CDH18: variants seen among roughly 807,000 people sequenced by gnomAD.
CDH18 encodes cadherin 18.
In CDH18, 31 loss-of-function variants were observed where a neutral mutation model predicts 67.9. That is an observed-to-expected ratio of 0.46 (90% CI 0.34 to 0.62). The LOEUF is 0.62. Among genes scored for constraint, CDH18 ranks in the 20% least tolerant of loss-of-function variants. The probability of loss-of-function intolerance (pLI) is 0.01; values close to 1 mark genes in which losing one functional copy is unlikely to be tolerated. For synonymous variants in CDH18, 362 were observed against 347.2 expected, an observed-to-expected ratio of 1.04 and a Z score of -0.48; for missense variants, 890 against 975.5, an observed-to-expected ratio of 0.91 and a Z score of 1.17.
intron 1 of CDH18, among the ~76,000 whole-genome samples, chr5:20,270,416 TC>T (rs1745350644): frequency 1.3e-5 from 2 of 152,004 alleles, no homozygotes; most frequent in Admixed American, 1.3e-4. Context: ...GTAATGCAAA[TC>T]AAAACCATAA....
chr5:19,898,373 C>T (rs1455387022), intron 2 of CDH18, among the ~76,000 whole-genome samples: 2 of 151,678 alleles, frequency 1.3e-5, no homozygotes, highest in East Asian at 3.9e-4. Context: ...TTTTAATATA[C>T]CATGTCTTCT....
chr5:19,759,126 T>C (rs1407300135), intron 3 of CDH18, among the ~76,000 whole-genome samples: 1 of 152,198 alleles, frequency 6.6e-6, no homozygotes, highest in Admixed American at 6.5e-5. Flanking sequence ...GGAAATGTTT[T>C]AATTTGCTCA....
intron 12 of CDH18, among the ~76,000 whole-genome samples, chr5:19,479,194 G>C (rs549911555): frequency 6.6e-6 from 1 of 152,168 alleles, no homozygotes; most frequent in African/African-American, 2.4e-5. Flanking sequence ...AGATCACACA[G>C]TTATTGGCAA....
chr5:20,394,694 C>T (rs868545072), intron 1 of CDH18, among the ~76,000 whole-genome samples: 10 of 151,958 alleles, frequency 6.6e-5, no homozygotes, highest in Non-Finnish European at 1.3e-4. Flanking sequence ...TCAGCAAAGA[C>T]CTCACATCCA....
At chr5:20,531,062 T>C (rs569595915) in intron 1 of CDH18, among the ~76,000 whole-genome samples, 1 of 151,976 alleles carries the variant, frequency 6.6e-6, no homozygotes, top group Admixed American at 6.6e-5. Flanking sequence ...AACAACCCCA[T>C]TAAAAAGTGG....
rs368885997 is a variant in CDH18 at position 19,753,011 on chromosome 5, T to A, written c.229-5775A>T. Reference sequence around the variant, plus strand: ...CACTATGTGAAGGAAACACCCCATGTGAAAAAAGAATCTAACCACAGCCTT... The same window carrying A: ...CACTATGTGAAGGAAACACCCCATGAGAAAAAAGAATCTAACCACAGCCTT... On this transcript the variant is annotated intron_variant, in intron 3 of 12. Coordinates refer to ENST00000382275, the MANE Select transcript of CDH18 (RefSeq NM_004934.5). Among the ~76,000 whole-genome samples, 5 of 152,178 alleles carry A rather than the reference T, an allele frequency of 3.3e-5. No homozygotes were observed. The East Asian group carries it at 5.8e-4, about 18-fold the overall frequency.
chr5:19,856,134 G>A (rs1784256094), intron 2 of CDH18, among the ~76,000 whole-genome samples: 1 of 152,186 alleles, frequency 6.6e-6, no homozygotes. Flanking sequence ...CAGCGTGCAT[G>A]CTTTGGAACT....
intron 1 of CDH18, among the ~76,000 whole-genome samples, chr5:20,320,671 A>C (rs536550163): frequency 3.9e-4 from 60 of 152,130 alleles, no homozygotes; most frequent in Non-Finnish European, 5.0e-4. Context: ...CCTTCTGAGA[A>C]GTTTGCTGTA....
chr5:20,419,466 T>G (rs1747656243), intron 1 of CDH18, among the ~76,000 whole-genome samples: 1 of 45,120 alleles, frequency 2.2e-5, no homozygotes, highest in Non-Finnish European at 3.3e-5. Context: ...GACTCTGTTT[T>G]TTTTTTTTTT....
chr5:20,270,779 T>C (rs1245945032), intron 1 of CDH18, among the ~76,000 whole-genome samples: 1 of 150,928 alleles, frequency 6.6e-6, no homozygotes, highest in Non-Finnish European at 1.5e-5. Context: ...GTGCTATATA[T>C]AGGACATGGA....
At chr5:19,915,688 ATTGT>A (rs1472805982) in intron 2 of CDH18, among the ~76,000 whole-genome samples, 14 of 152,182 alleles carry the variant, frequency 9.2e-5, no homozygotes, top group African/African-American at 2.2e-4. Context: ...CATATATATC[ATTGT>A]TTGTTTACAA....
At chr5:20,049,745 C>T (rs1390999873) in intron 2 of CDH18, among the ~76,000 whole-genome samples, 1 of 151,312 alleles carries the variant, frequency 6.6e-6, no homozygotes, top group African/African-American at 2.4e-5. Flanking sequence ...AATATGGCGA[C>T]CAGAAAGGAT....
At chr5:20,127,497 C>A (rs1748931305) in intron 2 of CDH18, among the ~76,000 whole-genome samples, 1 of 151,984 alleles carries the variant, frequency 6.6e-6, no homozygotes, top group South Asian at 2.1e-4. Context: ...ACAATGAAAT[C>A]TCATTCAGTC....
rs539875769 is a variant in CDH18, at chr5:19,971,845, C to T, written c.-257+9215G>A. On this transcript the variant is annotated intron_variant, in intron 2 of 12. Transcript: ENST00000382275. ...CGTAACTTGTGCCTCTAAACTTAAA[C>T]GTTAAAAAAAAAAAGAGAGAGAGAG... Among the ~76,000 whole-genome samples, 8 of 122,698 alleles carry T rather than the reference C, an allele frequency of 6.5e-5. No individual in the cohort carries two copies. In the South Asian group the frequency reaches 2.2e-3, roughly 33 times the overall value. The allele number at this position is 122,698 out of a possible 152,430, so 80.5% of individuals were successfully genotyped here.
intron 1 of CDH18, among the ~76,000 whole-genome samples, chr5:20,497,859 T>C (rs1754005240): frequency 6.6e-6 from 1 of 152,128 alleles, no homozygotes. Context: ...TGAAACCTAA[T>C]CACCAGTCTG....
At chr5:19,550,865 T>C (rs1322025325) in intron 8 of CDH18, among the ~76,000 whole-genome samples, 1 of 152,160 alleles carries the variant, frequency 6.6e-6, no homozygotes, top group Non-Finnish European at 1.5e-5. Context: ...GTTGAACTAG[T>C]TTACATTCCC....
Position 20,242,620 on chromosome 5 carries a change from A to ATACATATATATATATATACATG in CDH18, c.-518+12823_-518+12824insCATGTATATATATATATATGTA, listed in dbSNP as rs1554106665. Among the ~76,000 whole-genome samples the ATACATATATATATATATACATG allele has an allele frequency of 5.1e-3, 354 of 68,760 alleles. 23 individuals are homozygous for ATACATATATATATATATACATG. In the East Asian group the frequency reaches 0.065, roughly 13 times the overall value. The allele number at this position is 68,760 out of a possible 152,430, so 45.1% of individuals were successfully genotyped here. On this transcript the variant is annotated intron_variant, in intron 2 of 14. Coordinates refer to the CDH18 transcript ENST00000507958. ...GGAAAAAAAAAAAAAAAATATATATATATATATATATATGTATATATATAT... is the reference window on the plus strand; with the variant it reads ...GGAAAAAAAAAAAAAAAATATATATATACATATATATATATATACATGTATATATATATATGTATATATATAT...
At chr5:20,269,755 T>C (rs1010180155) in intron 1 of CDH18, among the ~76,000 whole-genome samples, 2 of 152,006 alleles carry the variant, frequency 1.3e-5, no homozygotes, top group South Asian at 4.1e-4. Context: ...TGAAGACAAA[T>C]TAGTTAATGG....
intron 6 of CDH18, among the ~76,000 whole-genome samples, chr5:19,595,758 C>A (rs1230058399): frequency 1.3e-5 from 2 of 152,318 alleles, no homozygotes; most frequent in East Asian, 3.9e-4. Context: ...AAATATTTTT[C>A]TCAGCTCTCT....
Sources: gnomAD v4.1 joint callset for allele counts (sites outside exome capture counted in the v4.1 genomes callset) on GRCh38, gnomAD v4.1.1 for gene constraint, MANE v1.5 for transcripts, NCBI Gene and HGNC (gene_info 2026-07-23, HGNC 2026-07-21) for gene names.